The following CATSPERT variants were observed in gnomAD, a reference collection of about 807,000 sequenced individuals.
CATSPERT encodes the protein cation channel sperm-associated targeting subunit tau.
chr2:201,590,709 T>C, the CATSPERT span, among the ~76,000 whole-genome samples: 1 of 152,152 alleles, frequency 6.6e-6, no homozygotes, highest in Admixed American at 6.5e-5. Context: ...CTCATTGTGG[T>C]TTTGATTTGC....
At chr2:201,516,403 A>G in the CATSPERT span, among the ~76,000 whole-genome samples, 1 of 152,190 alleles carries the variant, frequency 6.6e-6, no homozygotes, top group African/African-American at 2.4e-5. Context: ...CACCTTCTTT[A>G]CAAGGCAGCA....
chr2:201,549,021 C>A, the CATSPERT span, among the ~76,000 whole-genome samples: 10 of 152,028 alleles, frequency 6.6e-5, no homozygotes, highest in East Asian at 1.9e-3. Context: ...ACACACCCCC[C>A]AGCCAAATGA....
the CATSPERT span, chr2:201,487,606 C>T: frequency 1.2e-6 from 2 of 1,608,206 alleles, no homozygotes; most frequent in Non-Finnish European, 1.7e-6. Context: ...AATGAGCGAA[C>T]ATTTTTCAAT....
At chr2:201,585,526 T>C in the CATSPERT span, among the ~76,000 whole-genome samples, 3 of 152,042 alleles carry the variant, frequency 2.0e-5, no homozygotes, top group African/African-American at 7.2e-5. Context: ...GAGGATGATC[T>C]GAGCTGTAAG....
chr2:201,507,528 A>G, the CATSPERT span, among the ~76,000 whole-genome samples: 16 of 152,208 alleles, frequency 1.1e-4, no homozygotes, highest in African/African-American at 3.6e-4. Flanking sequence ...GAAAAAGCAG[A>G]TATGTGTGTT....
At chr2:201,535,988 C>G in the CATSPERT span, 1 of 1,610,640 alleles carries the variant, frequency 6.2e-7, no homozygotes, top group African/African-American at 1.3e-5. Flanking sequence ...AGTTCCTGCT[C>G]TTTGGATTTA....
chr2:201,593,782 CAG>C, the CATSPERT span, among the ~76,000 whole-genome samples: 1 of 141,150 alleles, frequency 7.1e-6, no homozygotes, highest in Admixed American at 7.2e-5. Flanking sequence ...TCTGTTTTAT[CAG>C]AGACTAGGAT....
chr2:201,550,054 C>T, the CATSPERT span: 2 of 152,106 alleles, frequency 1.3e-5, no homozygotes, highest in African/African-American at 4.8e-5. Flanking sequence ...TTCGAGTAGT[C>T]CTACTTATGG....
the CATSPERT span, chr2:201,493,811 G>A: frequency 1.3e-6 from 2 of 1,536,006 alleles, no homozygotes; most frequent in Non-Finnish European, 1.7e-6. Context: ...CTTATTAAAT[G>A]TTTCTTTTTG....
At chr2:201,545,629 C>CAAAAAAAAAAAAAAAAAAAAAAAAA in the CATSPERT span, 3 of 156,534 alleles carry the variant, frequency 1.9e-5, no homozygotes, top group Non-Finnish European at 3.1e-5. Context: ...TTCCTAGAAG[C>CAAAAAAAAAAAAAAAAAAAAAAAAA]AAAAAAAAAA....
At chr2:201,604,167 G>GTA in the CATSPERT span, among the ~76,000 whole-genome samples, 1 of 151,814 alleles carries the variant, frequency 6.6e-6, no homozygotes, top group African/African-American at 2.4e-5. Context: ...GTGTGTGTGT[G>GTA]TGAAAGAGAG....
chr2:201,566,807 T>C, the CATSPERT span, among the ~76,000 whole-genome samples: 1 of 152,226 alleles, frequency 6.6e-6, no homozygotes, highest in Admixed American at 6.5e-5. Flanking sequence ...TTGAACTAGT[T>C]TAATATTTTA....
chr2:201,603,166 G>T, the CATSPERT span: 1 of 1,521,024 alleles, frequency 6.6e-7, no homozygotes, highest in South Asian at 1.2e-5. Context: ...ATGCAGCAAT[G>T]GATAACTGAA....
the CATSPERT span, among the ~76,000 whole-genome samples, chr2:201,576,914 G>T: frequency 6.6e-6 from 1 of 152,132 alleles, no homozygotes; most frequent in Non-Finnish European, 1.5e-5. Flanking sequence ...CTCAGGGATG[G>T]CTGGATCTTT....
At chr2:201,591,178 G>A in the CATSPERT span, among the ~76,000 whole-genome samples, 1 of 152,082 alleles carries the variant, frequency 6.6e-6, no homozygotes, top group Non-Finnish European at 1.5e-5. Flanking sequence ...GTAAGGAAGG[G>A]ATCCAGTTTC....
the CATSPERT span, among the ~76,000 whole-genome samples, chr2:201,534,106 ATATC>A: frequency 6.6e-6 from 1 of 152,022 alleles, no homozygotes; most frequent in Non-Finnish European, 1.5e-5. Flanking sequence ...AGATATATAT[ATATC>A]TGAGACAGAA....
At chr2:201,585,538 A>G in the CATSPERT span, among the ~76,000 whole-genome samples, 1 of 152,128 alleles carries the variant, frequency 6.6e-6, no homozygotes, top group Non-Finnish European at 1.5e-5. Context: ...AGCTGTAAGA[A>G]AAGTTAAAGT....
the CATSPERT span, among the ~76,000 whole-genome samples, chr2:201,607,531 T>C: frequency 2.0e-5 from 3 of 152,072 alleles, no homozygotes; most frequent in Admixed American, 6.6e-5. Context: ...TGATGGCACA[T>C]GCCTGTGGGC....
At chr2:201,615,508 T>C in the CATSPERT span, among the ~76,000 whole-genome samples, 1 of 152,084 alleles carries the variant, frequency 6.6e-6, no homozygotes, top group Non-Finnish European at 1.5e-5. Context: ...TTGAAACCAA[T>C]GAGAGCAAAG....
Sources: allele counts gnomAD v4.1 joint callset (sites outside exome capture counted in the v4.1 genomes callset), GRCh38; gene constraint gnomAD v4.1.1; transcripts MANE v1.5; gene names NCBI Gene and HGNC (gene_info 2026-07-23, HGNC 2026-07-21).